Variants in USH2A observed in about 807,000 individuals in gnomAD.
The protein encoded by USH2A is usherin, also known as Usher syndrome 2A (autosomal recessive, mild).
In USH2A, 443 loss-of-function variants were observed where a neutral mutation model predicts 538.9. The observed-to-expected ratio is 0.82, with a 90% CI of 0.76 to 0.89. The LOEUF is 0.89. USH2A is among the 40% of genes least tolerant of loss of function. The pLI is 0.00. For synonymous variants in USH2A, 2,413 were observed against 2,273.5 expected (o/e 1.06, Z -1.75); for missense variants, 6,633 against 6,324.8 (o/e 1.05, Z -1.65).
intron 37 of USH2A, among the ~76,000 whole-genome samples, chr1:215,958,441 T>C (rs760385055): frequency 6.6e-6 from 1 of 152,180 alleles, no homozygotes; most frequent in Admixed American, 6.6e-5. Context: ...TGAAATACTT[T>C]CTGCATTTCT....
intron 53 of USH2A, 73 bp from the exon 54 acceptor site, chr1:215,782,269 T>A (rs967480063): frequency 4.0e-6 from 6 of 1,513,752 alleles, no homozygotes; most frequent in Non-Finnish European, 5.5e-6. Context: ...CTTACAAATC[T>A]TAGTGTTCGG....
At chr1:216,082,961 T>C (rs1431107780) in intron 26 of USH2A, among the ~76,000 whole-genome samples, 8 of 151,998 alleles carry the variant, frequency 5.3e-5, no homozygotes, top group African/African-American at 1.9e-4. Flanking sequence ...AATACAAAAT[T>C]CTGATTACCT....
At chr1:216,237,530 AG>A (rs1417484058) in intron 13 of USH2A, among the ~76,000 whole-genome samples, 1 of 151,704 alleles carries the variant, frequency 6.6e-6, no homozygotes, top group Non-Finnish European at 1.5e-5. Context: ...AAAAAGAAAA[AG>A]TTCCACTCTT....
chr1:215,680,003 C>T (rs903577251), intron 62 of USH2A, 146 bp downstream of exon 62: 1 of 791,550 alleles, frequency 1.3e-6, no homozygotes, highest in Admixed American at 2.0e-5. Flanking sequence ...TTTCTGTGAT[C>T]TATGATTAAG....
At chr1:215,904,559 C>G (rs979955525) in intron 38 of USH2A, among the ~76,000 whole-genome samples, 1 of 152,044 alleles carries the variant, frequency 6.6e-6, no homozygotes, top group Non-Finnish European at 1.5e-5. Flanking sequence ...AAAGCAATAA[C>G]TGGGAGCCAG....
chr1:216,325,446 C>T lies in USH2A; in HGVS notation c.1002G>A (p.Arg334=). 6.2e-7 allele frequency: 1 copy of T among 1,613,934 alleles called. No individual in the cohort carries two copies. Among genetic ancestry groups the T allele is most frequent in the Non-Finnish European group, 8.5e-7 (1 of 1,179,914 alleles). The change falls in exon 6 of 72, where the codon CGG becomes CGA. Residue 334 remains arginine (R), a synonymous_variant. Coordinates refer to ENST00000307340, the MANE Select transcript of USH2A (RefSeq NM_206933.4). ...AGDTADNRVS[R]LNPEAHPLSF... ...AGAGAGGATGGGCTTCAGGATTCAACCGTGACACTCTATTATCAGCTGTGT... is the reference window on the plus strand; with the variant it reads ...AGAGAGGATGGGCTTCAGGATTCAATCGTGACACTCTATTATCAGCTGTGT...
intron 58 of USH2A, among the ~76,000 whole-genome samples, chr1:215,747,249 C>T (rs765738434): frequency 6.6e-6 from 1 of 152,160 alleles, no homozygotes; most frequent in Non-Finnish European, 1.5e-5. Context: ...ATGACACTTC[C>T]ACTTTGTTTC....
intron 20 of USH2A, among the ~76,000 whole-genome samples, 158 bp downstream of exon 20, chr1:216,190,065 T>G (rs569481361): frequency 3.7e-4 from 57 of 152,002 alleles, no homozygotes; most frequent in Non-Finnish European, 7.7e-4. Context: ...AGTTACGTTT[T>G]GGTTGTTGTT....
At chr1:215,975,752 G>A (rs1667604966) in intron 35 of USH2A, among the ~76,000 whole-genome samples, 1 of 152,090 alleles carries the variant, frequency 6.6e-6, no homozygotes, top group African/African-American at 2.4e-5. Context: ...GTAATGTGAT[G>A]CCTCCAGCTT....
chr1:215,688,848 A>C (rs1658514310), intron 61 of USH2A, among the ~76,000 whole-genome samples: 1 of 152,066 alleles, frequency 6.6e-6, no homozygotes, highest in African/African-American at 2.4e-5. Flanking sequence ...GCATTTTGGG[A>C]GGAACACAAT....
At chr1:215,823,209 T>G (rs1460968007) in intron 47 of USH2A, among the ~76,000 whole-genome samples, 7 of 152,122 alleles carry the variant, frequency 4.6e-5, no homozygotes, top group Admixed American at 4.6e-4. Flanking sequence ...TCTTTAGTAT[T>G]TCTTATAAGA....
chr1:216,062,255 G>A (rs2031211002), intron 30 of USH2A, among the ~76,000 whole-genome samples: 1 of 152,126 alleles, frequency 6.6e-6, no homozygotes, highest in African/African-American at 2.4e-5. Context: ...AATCCACTAA[G>A]TAAGAGACAG....
At chr1:216,237,732 A>G (rs1181811491) in intron 13 of USH2A, among the ~76,000 whole-genome samples, 1 of 152,218 alleles carries the variant, frequency 6.6e-6, no homozygotes, top group African/African-American at 2.4e-5. Context: ...GCGGACTCTC[A>G]GTAAACATTA....
In USH2A at chr1:215,759,824, T is replaced by C. The variant is rs751661882; in HGVS notation, c.11067A>G (p.Arg3689=). The C allele has an allele frequency of 2.5e-6, 4 of 1,614,004 alleles. No homozygotes were observed. The East Asian group carries it at 8.9e-5, about 36-fold the overall frequency. Residue 3689 remains arginine (R), a synonymous_variant, in exon 57 of 72, where the codon CGA becomes CGG. Transcript: ENST00000307340. ...AAPEGVWVTP[R]HIIINSTTVE... The stretch of plus-strand genomic sequence containing the variant: ...CTGTTGTAGAATTGATGATAATGTG[T>C]CGAGGTGTCACCCAAACTCCTGGCA...
chr1:216,303,455 T>G (rs2037252799), intron 9 of USH2A, among the ~76,000 whole-genome samples: 1 of 151,906 alleles, frequency 6.6e-6, no homozygotes, highest in Admixed American at 6.6e-5. Flanking sequence ...GTTATTGATG[T>G]TTTTTAATAT....
intron 49 of USH2A, among the ~76,000 whole-genome samples, chr1:215,809,233 G>A (rs575507756): frequency 6.6e-6 from 1 of 152,246 alleles, no homozygotes; most frequent in Admixed American, 6.5e-5. Context: ...TAAACTTTAA[G>A]ATAATGTATC....
At chr1:215,770,354 T>A (rs1424640664) in intron 55 of USH2A, among the ~76,000 whole-genome samples, 2 of 152,030 alleles carry the variant, frequency 1.3e-5, no homozygotes, top group Non-Finnish European at 2.9e-5. Context: ...TGCTCTTTAT[T>A]AAAATTAATA....
Position 215,628,802 on chromosome 1 carries a change from A to C in USH2A, c.15519+12T>G, listed in dbSNP as rs764649685. On this transcript the variant is annotated intron_variant, in intron 71 of 71. Transcript: ENST00000307340. ...TATTTAGCAAAGGCCCTGTATGAGGAAACCAACTCACCAGTCCACTGTTGT... is the reference window on the plus strand; with the variant it reads ...TATTTAGCAAAGGCCCTGTATGAGGCAACCAACTCACCAGTCCACTGTTGT... The C allele has an allele frequency of 6.2e-7, 1 of 1,613,952 alleles. No individual in the cohort carries two copies. The highest frequency in any genetic ancestry group is 8.5e-7 in the Non-Finnish European group (1 of 1,179,862).
intron 35 of USH2A, among the ~76,000 whole-genome samples, chr1:215,974,679 T>C (rs1280165273): frequency 1.3e-5 from 2 of 152,208 alleles, no homozygotes; most frequent in Admixed American, 6.6e-5. Context: ...TCAGGGTTTT[T>C]TCTGTGGTTG....
Sources: allele counts gnomAD v4.1 joint callset (sites outside exome capture counted in the v4.1 genomes callset), GRCh38; gene constraint gnomAD v4.1.1; transcripts MANE v1.5; gene names NCBI Gene and HGNC (gene_info 2026-07-23, HGNC 2026-07-21).